Variants in GRIK2 observed in about 807,000 individuals in gnomAD.
GRIK2 encodes the protein glutamate receptor ionotropic, kainate 2.
In GRIK2, 32 loss-of-function variants were observed where a neutral mutation model predicts 100.3. That is an observed-to-expected ratio of 0.32 (90% CI 0.24 to 0.43). The LOEUF is 0.43. Among genes scored for constraint, GRIK2 ranks in the 20% least tolerant of loss-of-function variants. The probability of loss-of-function intolerance (pLI) is 1.00; values close to 1 mark genes in which losing one functional copy is unlikely to be tolerated. For missense variants in GRIK2, 843 were observed against 1,114.9 expected, an observed-to-expected ratio of 0.76 and a Z score of 3.47; for synonymous variants, 417 against 389.4, an observed-to-expected ratio of 1.07 and a Z score of -0.83.
At chr6:101,834,399 C>T (rs188078241) in intron 10 of GRIK2, among the ~76,000 whole-genome samples, 227 of 151,476 alleles carry the variant, frequency 1.5e-3, no homozygotes, top group Non-Finnish European at 1.2e-3. Flanking sequence ...TTTTTTGGAG[C>T]GTCTATTTCC....
At chr6:101,547,242 G>T (rs905921408) in intron 2 of GRIK2, among the ~76,000 whole-genome samples, 2 of 152,126 alleles carry the variant, frequency 1.3e-5, no homozygotes, top group African/African-American at 4.8e-5. Flanking sequence ...CAAAGGATGA[G>T]CGTAATATTT....
chr6:101,516,151 G>A (rs986096179), intron 2 of GRIK2, among the ~76,000 whole-genome samples: 2 of 151,320 alleles, frequency 1.3e-5, no homozygotes, highest in Non-Finnish European at 3.0e-5. Context: ...TTGTGAAAAT[G>A]ACCATACTGC....
In GRIK2 at chr6:101,401,719, T is replaced by C. The variant is rs1775315220; in HGVS notation, c.115+2327T>C. ...TGGGATAAACACGTTCTGAGTGGAT[T>C]GGATGGTTGGTTGAGCACGTATAAG... On this transcript the variant is annotated intron_variant, in intron 2 of 16. Transcript: ENST00000369134. Among the ~76,000 whole-genome samples, 3 of 152,196 alleles carry C rather than the reference T, an allele frequency of 2.0e-5. No individual in the cohort carries two copies. The South Asian group carries it at 6.2e-4, about 32-fold the overall frequency.
intron 2 of GRIK2, 152 bp from the exon 3 acceptor site, chr6:101,621,797 C>A: frequency 8.4e-6 from 5 of 591,910 alleles, no homozygotes; most frequent in East Asian, 2.9e-5. Flanking sequence ...TAAATCTCTC[C>A]CTCTCTCTCT....
chr6:101,464,273 G>T (rs1237149157), intron 2 of GRIK2, among the ~76,000 whole-genome samples: 1 of 152,046 alleles, frequency 6.6e-6, no homozygotes, highest in African/African-American at 2.4e-5. Context: ...GAGGGTCCAT[G>T]GCTTTGGCAA....
chr6:101,633,086 G>T (rs2128321119), intron 4 of GRIK2, among the ~76,000 whole-genome samples: 1 of 152,176 alleles, frequency 6.6e-6, no homozygotes, highest in South Asian at 2.1e-4. Context: ...ATGATCAATG[G>T]ATTTTATAAA....
chr6:101,924,987 C>A (rs1441226574), intron 13 of GRIK2, among the ~76,000 whole-genome samples: 8 of 152,146 alleles, frequency 5.3e-5, no homozygotes, highest in Non-Finnish European at 1.2e-4. Flanking sequence ...TCATAGATAA[C>A]CAAGCTAACC....
At chr6:101,608,226 T>A (rs11156146) in intron 2 of GRIK2, among the ~76,000 whole-genome samples, 52,248 of 151,544 alleles carry the variant, frequency 0.34, 9,335 homozygotes, top group African/African-American at 0.43. Flanking sequence ...TTAATCACTA[T>A]ACAATATTTC....
intron 7 of GRIK2, among the ~76,000 whole-genome samples, chr6:101,716,305 G>T (rs1774063228): frequency 1.3e-5 from 2 of 151,634 alleles, no homozygotes; most frequent in Non-Finnish European, 1.5e-5. Context: ...ATCTAATGAA[G>T]AGGAAAGGTA....
Position 101,769,690 on chromosome 6 carries a change from G to T in GRIK2, c.952-29958G>T, listed in dbSNP as rs561606328. Among the ~76,000 whole-genome samples, 6 of 152,208 alleles carry T rather than the reference G, an allele frequency of 3.9e-5. No homozygotes were observed. In the East Asian group the frequency reaches 7.7e-4, roughly 20 times the overall value. On this transcript the variant is annotated intron_variant, in intron 7 of 16. Coordinates refer to ENST00000369134, the MANE Select transcript of GRIK2 (RefSeq NM_021956.5). ...TTGTTTGTTCCAAATAACGAGGAAA[G>T]AATATTTTATGCTATAGCCTGTCAA... is the stretch of plus-strand genomic sequence containing the variant.
At chr6:101,706,231 T>C (rs923742347) in intron 7 of GRIK2, among the ~76,000 whole-genome samples, 2 of 151,934 alleles carry the variant, frequency 1.3e-5, no homozygotes, top group Non-Finnish European at 2.9e-5. Context: ...ATATACATGA[T>C]AGTTTAAAAA....
At chr6:101,489,182 A>G (rs973371037) in intron 2 of GRIK2, among the ~76,000 whole-genome samples, 1 of 145,972 alleles carries the variant, frequency 6.9e-6, no homozygotes, top group Admixed American at 6.8e-5. Flanking sequence ...AAGAGGGTTT[A>G]CTCTTTGAAC....
chr6:101,942,050 G>C (rs900720442), intron 14 of GRIK2, among the ~76,000 whole-genome samples: 1 of 151,958 alleles, frequency 6.6e-6, no homozygotes, highest in Non-Finnish European at 1.5e-5. Flanking sequence ...AGAAAATTTA[G>C]TTTATTACAA....
intron 4 of GRIK2, among the ~76,000 whole-genome samples, chr6:101,634,832 C>A (rs149362100): frequency 1.4e-3 from 214 of 151,422 alleles, no homozygotes; most frequent in African/African-American, 5.0e-3. Flanking sequence ...AGCAAAAACA[C>A]AAACACTTTC....
intron 11 of GRIK2, among the ~76,000 whole-genome samples, chr6:101,882,626 A>C (rs900242438): frequency 3.9e-5 from 6 of 151,946 alleles, no homozygotes; most frequent in Non-Finnish European, 7.4e-5. Context: ...GAATTTTATA[A>C]CTCAATTGCC....
chr6:102,002,452 T>C (rs1794997519), intron 14 of GRIK2, among the ~76,000 whole-genome samples: 1 of 149,276 alleles, frequency 6.7e-6, no homozygotes, highest in Non-Finnish European at 1.5e-5. Context: ...TATGTATATA[T>C]AATTATATAC....
chr6:101,715,562 A>C (rs1223618782), intron 7 of GRIK2, among the ~76,000 whole-genome samples: 1 of 151,820 alleles, frequency 6.6e-6, no homozygotes, highest in East Asian at 1.9e-4. Context: ...TTAAAGATCA[A>C]ACCAACATCT....
intron 15 of GRIK2, among the ~76,000 whole-genome samples, chr6:102,044,564 C>A (rs1358614297): frequency 2.6e-5 from 4 of 151,970 alleles, no homozygotes; most frequent in African/African-American, 9.7e-5. Context: ...ACCATCAGAT[C>A]TCGTGAGACT....
chr6:101,702,699 G>A (rs138590886), intron 7 of GRIK2, among the ~76,000 whole-genome samples: 28 of 151,998 alleles, frequency 1.8e-4, no homozygotes, highest in Middle Eastern at 3.4e-3. Context: ...ATAAGAAGAT[G>A]GAGAGTGATT....
Sources: allele counts gnomAD v4.1 joint callset (sites outside exome capture counted in the v4.1 genomes callset), GRCh38; gene constraint gnomAD v4.1.1; transcripts MANE v1.5; gene names NCBI Gene and HGNC (gene_info 2026-07-23, HGNC 2026-07-21).